PCNT: variants seen among roughly 807,000 people sequenced by gnomAD.
The protein encoded by PCNT is kendrin.
Under a neutral mutation model 380.4 loss-of-function variants are expected in PCNT, and 319 were observed. The ratio of observed to expected loss-of-function variants is 0.84; its 90% CI spans 0.77 to 0.92. The LOEUF (loss-of-function observed/expected upper bound fraction) is 0.92. Among genes scored for constraint, PCNT ranks in the 40% least tolerant of loss-of-function variants. The pLI is 0.00. For synonymous variants in PCNT, 1,845 were observed against 1,735.2 expected (o/e 1.06, Z -1.57); for missense variants, 4,400 against 4,255.3 (o/e 1.03, Z -0.95).
chr21:46,337,999 A>T (rs916642399), intron 3 of PCNT, among the ~76,000 whole-genome samples: 13 of 150,638 alleles, frequency 8.6e-5, no homozygotes, highest in African/African-American at 3.2e-4. Context: ...TCAGCCTCCC[A>T]AGTAGCTGGG....
At position 46,428,423 on chromosome 21, in the gene PCNT, A is replaced by G; in HGVS notation, c.7523A>G (p.His2508Arg). The G allele has an allele frequency of 6.2e-7, 1 of 1,612,596 alleles. No individual in the cohort carries two copies. Among genetic ancestry groups the G allele is most frequent in the South Asian group, 1.1e-5 (1 of 91,002 alleles). Residue 2508 changes from histidine to arginine, a missense_variant, in exon 35 of 47, where the codon CAT becomes CGT. Coordinates refer to ENST00000359568, the MANE Select transcript of PCNT (RefSeq NM_006031.6). Reference protein sequence around the residue: ...QGDLQEKSLEHLRLPDRSSLL... With the variant: ...QGDLQEKSLERLRLPDRSSLL... Reference sequence around the variant, plus strand: ...GACCTGCAGGAAAAGTCCCTGGAGCATCTTCGCTTGCCGGACCGGAGCAGC... The same window carrying G: ...GACCTGCAGGAAAAGTCCCTGGAGCGTCTTCGCTTGCCGGACCGGAGCAGC...
In PCNT at chr21:46,334,494, T is replaced by A. The variant is rs1007605995; in HGVS notation, c.365T>A (p.Val122Asp). 6.2e-7 allele frequency: 1 copy of A among 1,612,756 alleles called. No individual in the cohort carries two copies. Among genetic ancestry groups the A allele is most frequent in the Admixed American group, 1.7e-5 (1 of 59,974 alleles). ...HPPEQCGMFT[V>D]SDHPPEQHGM... ...CCAGAGCAGTGTGGGATGTTCACAG[T>A]CAGTGACCACCCACCAGAACAGCAT... Residue 122 changes from valine (V) to aspartate (D), a missense_variant, in exon 3 of 47, where the codon GTC (valine) becomes GAC (aspartate). Val to Asp is a radical substitution (Grantham distance 152). Coordinates refer to ENST00000359568, the MANE Select transcript of PCNT (RefSeq NM_006031.6).
In PCNT at chr21:46,432,175, C is replaced by A; in HGVS notation, c.8711C>A (p.Ala2904Glu). The change falls in exon 38 of 47, where the codon GCG (alanine) becomes GAG (glutamate). Residue 2904 changes from alanine (A) to glutamate (E), a missense_variant. By Grantham distance (107) the Ala-to-Glu change is moderately radical. Transcript: ENST00000359568. Reference protein sequence around the residue: ...SAEARQSPAAAEQWRKWQRDK... With the variant: ...SAEARQSPAAEEQWRKWQRDK... The stretch of plus-strand genomic sequence containing the variant: ...GAGGCCAGGCAGAGCCCAGCGGCTG[C>A]GGAGCAGTGGAGGAAGTGGCAGAGA... 6.2e-7 allele frequency: 1 copy of A among 1,612,908 alleles called. No individual in the cohort carries two copies. Among genetic ancestry groups the A allele is most frequent in the East Asian group, 2.2e-5 (1 of 44,882 alleles).
chr21:46,389,676 G>C (rs2085965642), intron 19 of PCNT, among the ~76,000 whole-genome samples: 1 of 152,244 alleles, frequency 6.6e-6, no homozygotes, highest in Non-Finnish European at 1.5e-5. Context: ...TCCATGTGGA[G>C]TGTTTTCATA....
rs1276015376 is a variant in PCNT, at chr21:46,363,478, A to G, written c.2155-2A>G. 2 of 1,606,682 alleles carry G rather than the reference A, an allele frequency of 1.2e-6. No individual in the cohort carries two copies. Among genetic ancestry groups the G allele is most frequent in the African/African-American group, 2.7e-5 (2 of 74,768 alleles). ...TCCTAAATGAAATTATGTTGTCTGT[A>G]GGTAAAACACAATCTAATTGAAGAC... On this transcript the variant is annotated splice_acceptor_variant, in intron 13 of 46. Transcript: ENST00000359568. LOFTEE classifies it high-confidence loss of function.
chr21:46,407,283 C>T (rs886933334), intron 27 of PCNT, among the ~76,000 whole-genome samples: 1 of 149,654 alleles, frequency 6.7e-6, no homozygotes, highest in African/African-American at 2.5e-5. Context: ...TTTCAAGGAA[C>T]TTGTGCATGT....
At chr21:46,404,021 T>C (rs370911880) in intron 27 of PCNT, among the ~76,000 whole-genome samples, 6 of 85,834 alleles carry the variant, frequency 7.0e-5, no homozygotes, top group Middle Eastern at 0.012. Context: ...GTGGGAGAAT[T>C]GTGTGTGTGT....
rs928292633 is a variant in PCNT, at chr21:46,340,957, C to G, written c.640-5171C>G. ...GGAGTGCAGTGGTGCCATCTCAGCT[C>G]ACTGCAACCTCTGCCTCCCAGGTTC... On this transcript the variant is annotated intron_variant, in intron 3 of 46. Coordinates refer to ENST00000359568, the MANE Select transcript of PCNT (RefSeq NM_006031.6). Among the ~76,000 whole-genome samples, 5 of 152,192 alleles carry G rather than the reference C, an allele frequency of 3.3e-5. No homozygotes were observed. The East Asian group carries it at 9.6e-4, about 29-fold the overall frequency.
chr21:46,416,664 G>A lies in PCNT; in HGVS notation c.6746G>A (p.Gly2249Glu). Reference sequence around the variant, plus strand: ...AGCCTCCCCGTGACACCCCACTCAGGAGCCCTGAGCCTGTGCAGTGCCGAC... The same window carrying A: ...AGCCTCCCCGTGACACCCCACTCAGAAGCCCTGAGCCTGTGCAGTGCCGAC... ...WPSLPVTPHS[G>E]ALSLCSADTS... Residue 2249 changes from glycine (G) to glutamate (E), a missense_variant, in exon 30 of 47, where the codon GGA (glycine) becomes GAA (glutamate). By Grantham distance (98) the Gly-to-Glu change is moderately conservative (BLOSUM62 -2). Transcript: ENST00000359568. The A allele has an allele frequency of 1.3e-6, 2 of 1,560,404 alleles. No individual in the cohort carries two copies. The highest frequency in any genetic ancestry group is 2.5e-5 in the South Asian group (2 of 80,934).
intron 19 of PCNT, among the ~76,000 whole-genome samples, chr21:46,389,883 AC>A (rs1386076754): frequency 1.3e-5 from 2 of 152,214 alleles, no homozygotes; most frequent in African/African-American, 4.8e-5. Context: ...ACTTCAGCCC[AC>A]GAGCTCATCT....
intron 25 of PCNT, among the ~76,000 whole-genome samples, chr21:46,400,836 C>T (rs934005999): frequency 1.3e-5 from 2 of 152,140 alleles, no homozygotes; most frequent in African/African-American, 2.4e-5. Context: ...GTCTGATTCT[C>T]GTAAGTGCTG....
At chr21:46,432,253 A>G (rs1472764820) in intron 38 of PCNT, 38 bp downstream of exon 38, 2 of 1,559,284 alleles carry the variant, frequency 1.3e-6, no homozygotes, top group Non-Finnish European at 1.7e-6. Context: ...CACACCTAAA[A>G]ACGATAAGCA....
chr21:46,363,964 C>T (rs1259378313), intron 14 of PCNT, 30 bp downstream of exon 14: 1 of 1,585,122 alleles, frequency 6.3e-7, no homozygotes, highest in Non-Finnish European at 8.6e-7. Flanking sequence ...ATCTGCAGTC[C>T]CTGTGAGGCC....
chr21:46,424,009 T>C (rs2839252), intron 32 of PCNT, among the ~76,000 whole-genome samples: 12,844 of 152,102 alleles, frequency 0.084, 692 homozygotes, highest in African/African-American at 0.12. Flanking sequence ...TGTTTTAGAG[T>C]GTGGAGCCCT....
At chr21:46,347,924 G>A (rs190488423) in intron 6 of PCNT, among the ~76,000 whole-genome samples, 79 of 152,308 alleles carry the variant, frequency 5.2e-4, no homozygotes, top group African/African-American at 1.8e-3. Flanking sequence ...TGCACCTGCT[G>A]TGGGTGGCCT....
chr21:46,412,607 C>T (rs1272591194), intron 28 of PCNT, among the ~76,000 whole-genome samples: 4 of 152,206 alleles, frequency 2.6e-5, no homozygotes, highest in Non-Finnish European at 4.4e-5. Flanking sequence ...ATGCCCCAGT[C>T]CACCTTGCTC....
intron 13 of PCNT, among the ~76,000 whole-genome samples, chr21:46,358,914 C>T (rs2084582546): frequency 6.6e-6 from 1 of 152,130 alleles, no homozygotes; most frequent in South Asian, 2.1e-4. Flanking sequence ...CATTCTCCTG[C>T]CTCAGCCTCC....
intron 22 of PCNT, 100 bp from the exon 23 acceptor site, chr21:46,397,914 A>T: frequency 1.2e-6 from 1 of 821,402 alleles, no homozygotes; most frequent in Non-Finnish European, 2.0e-6. Flanking sequence ...GCTGCTGGGC[A>T]GTTGCACTTG....
At chr21:46,381,630 G>A in intron 15 of PCNT, 64 bp from the exon 16 acceptor site, 1 of 1,498,780 alleles carries the variant, frequency 6.7e-7, no homozygotes, top group Non-Finnish European at 9.3e-7. Context: ...CTGAATTCCG[G>A]CTAACAGCAA....
Sources: gnomAD v4.1 joint callset for allele counts (sites outside exome capture counted in the v4.1 genomes callset) on GRCh38, gnomAD v4.1.1 for gene constraint, MANE v1.5 for transcripts, NCBI Gene and HGNC (gene_info 2026-07-23, HGNC 2026-07-21) for gene names.